PALM2AKAP2: variants seen among roughly 807,000 people sequenced by gnomAD.
The protein encoded by PALM2AKAP2 is PALM2 and AKAP2 fusion, also known as PALM2-AKAP2 fusion protein.
A neutral mutation model predicts 71.5 loss-of-function variants in PALM2AKAP2; 37 were observed. The ratio of observed to expected loss-of-function variants is 0.52; its 90% CI spans 0.40 to 0.68. The LOEUF is 0.68. PALM2AKAP2 is among the 30% of genes least tolerant of loss of function. The pLI, the probability that PALM2AKAP2 is intolerant of heterozygous loss-of-function variation, is 0.00. For missense variants in PALM2AKAP2, 1,224 were observed against 1,191.8 expected, an observed-to-expected ratio of 1.03 and a Z score of -0.40; for synonymous variants, 468 against 478.8, an observed-to-expected ratio of 0.98 and a Z score of 0.29.
intron 7 of PALM2AKAP2, among the ~76,000 whole-genome samples, chr9:110,042,341 G>T (rs544703877): frequency 1.3e-5 from 2 of 152,294 alleles, no homozygotes; most frequent in South Asian, 4.1e-4. Flanking sequence ...GAGGAGAATT[G>T]CTTGAATCCA....
At chr9:109,908,653 A>G (rs1289730846) in intron 3 of PALM2AKAP2, among the ~76,000 whole-genome samples, 1 of 152,190 alleles carries the variant, frequency 6.6e-6, no homozygotes, top group Non-Finnish European at 1.5e-5. Flanking sequence ...ATTTTTTTTC[A>G]ATGAATGACT....
At chr9:109,641,084 A>T (rs548459109) in intron 1 of PALM2AKAP2, among the ~76,000 whole-genome samples, 3 of 152,324 alleles carry the variant, frequency 2.0e-5, no homozygotes, top group Non-Finnish European at 4.4e-5. Flanking sequence ...CCCCTTGGCT[A>T]GCAGGGCCTG....
At chr9:109,987,140 C>T (rs568858750) in intron 6 of PALM2AKAP2, among the ~76,000 whole-genome samples, 2 of 151,724 alleles carry the variant, frequency 1.3e-5, no homozygotes, top group East Asian at 3.9e-4. Flanking sequence ...CTTTTCTTTT[C>T]TTTTTTTTGA....
At chr9:110,056,068 G>T (rs1400857128) in intron 1 of PALM2AKAP2, among the ~76,000 whole-genome samples, 1 of 152,210 alleles carries the variant, frequency 6.6e-6, no homozygotes, top group Non-Finnish European at 1.5e-5. Flanking sequence ...AGGGGGCAGG[G>T]AGGGACCCTC....
chr9:110,035,315 C>T (rs1466334643), intron 7 of PALM2AKAP2, among the ~76,000 whole-genome samples: 1 of 76,684 alleles, frequency 1.3e-5, no homozygotes, highest in Non-Finnish European at 2.5e-5. Context: ...ATATTACATA[C>T]ATATGTATTA....
intron 6 of PALM2AKAP2, among the ~76,000 whole-genome samples, chr9:110,013,733 T>A (rs1002235360): frequency 6.6e-6 from 1 of 152,226 alleles, no homozygotes; most frequent in Admixed American, 6.5e-5. Context: ...GGACCCAGAA[T>A]GTAAACTTTA....
intron 1 of PALM2AKAP2, among the ~76,000 whole-genome samples, chr9:109,663,093 A>G (rs558580642): frequency 6.6e-6 from 1 of 151,828 alleles, no homozygotes; most frequent in East Asian, 1.9e-4. Context: ...CTTCTTTATT[A>G]GTTTGGCTAG....
At chr9:109,802,078 A>G (rs1275187272) in intron 1 of PALM2AKAP2, among the ~76,000 whole-genome samples, 19 of 152,322 alleles carry the variant, frequency 1.2e-4, no homozygotes, top group Non-Finnish European at 5.9e-5. Flanking sequence ...GTATGCAAAT[A>G]TACCTCATAT....
chr9:109,798,158 C>T (rs775964098), intron 1 of PALM2AKAP2, among the ~76,000 whole-genome samples: 11 of 152,122 alleles, frequency 7.2e-5, no homozygotes, highest in Non-Finnish European at 1.2e-4. Context: ...ATATGTCTGC[C>T]GGTGTGTCCA....
chr9:110,014,061 A>G (rs1262853686), intron 6 of PALM2AKAP2, among the ~76,000 whole-genome samples: 2 of 152,214 alleles, frequency 1.3e-5, no homozygotes, highest in African/African-American at 4.8e-5. Flanking sequence ...TGCAACAGAA[A>G]TGCTATGAAC....
At chr9:109,895,738 A>G (rs1830183570) in intron 3 of PALM2AKAP2, among the ~76,000 whole-genome samples, 1 of 152,234 alleles carries the variant, frequency 6.6e-6, no homozygotes, top group African/African-American at 2.4e-5. Context: ...GCTAATAAAG[A>G]CATACCTGAG....
At position 109,674,358 on chromosome 9, in the gene PALM2AKAP2, C is replaced by T. The variant is rs534002822; in HGVS notation, c.5+33492C>T. ...TTTACTATTTTTTTCTTTGTGGCTA[C>T]AGGTCACATTTTCCTTCTTTATATG... is the stretch of plus-strand genomic sequence containing the variant. On this transcript the variant is annotated intron_variant, in intron 1 of 6. Transcript: ENST00000374531. Among the ~76,000 whole-genome samples the T allele has an allele frequency of 3.3e-5, 5 of 152,068 alleles. No homozygotes were observed. The East Asian group carries it at 9.6e-4, about 29-fold the overall frequency.
intron 1 of PALM2AKAP2, among the ~76,000 whole-genome samples, chr9:109,795,055 G>C (rs565640087): frequency 2.6e-5 from 4 of 152,292 alleles, no homozygotes; most frequent in African/African-American, 7.2e-5. Flanking sequence ...ATAGTGTAAG[G>C]TTTCTTAACT....
chr9:109,690,797 C>T lies in PALM2AKAP2; in HGVS notation c.5+49931C>T, dbSNP rs73526978. On this transcript the variant is annotated intron_variant, in intron 1 of 6. Coordinates refer to the PALM2AKAP2 transcript ENST00000374531. ...ACCCTTGGGAACTGGTTATTAAGTTCGGATCACATCCTATACCTTTAAAGA... is the reference window on the plus strand; with the variant it reads ...ACCCTTGGGAACTGGTTATTAAGTTTGGATCACATCCTATACCTTTAAAGA... 2.2e-3 allele frequency among the ~76,000 whole-genome samples: 339 copies of T among 152,228 alleles called. 1 individual carries two copies. The highest frequency in any genetic ancestry group is 7.9e-3 in the African/African-American group (329 of 41,536).
rs114861115 is a variant in PALM2AKAP2, at chr9:109,929,565, T to C, written c.395-2362T>C. ...CAGTGGGAATTAAAGGAAAGAGAAG[T>C]CTGTGACCTAAGTTTAAGAATCATG... On this transcript the variant is annotated intron_variant, in intron 5 of 9. Transcript: ENST00000302798. 1.9e-3 allele frequency among the ~76,000 whole-genome samples: 283 copies of C among 152,168 alleles called. 3 individuals carry two copies. The highest frequency in any genetic ancestry group is 6.5e-3 in the African/African-American group (271 of 41,498).
At chr9:110,032,690 CAAAATAAATAAA>C (rs1462482907) in intron 7 of PALM2AKAP2, among the ~76,000 whole-genome samples, 10 of 99,258 alleles carry the variant, frequency 1.0e-4, no homozygotes, top group African/African-American at 4.3e-4. Flanking sequence ...GATTCTGTCT[CAAAATAAATAAA>C]TAAATAAATA....
chr9:109,856,231 A>G (rs1564182274), intron 1 of PALM2AKAP2, among the ~76,000 whole-genome samples: 1 of 152,260 alleles, frequency 6.6e-6, no homozygotes, highest in Admixed American at 6.5e-5. Context: ...GTCTAAGATG[A>G]ACATAGAGGA....
At chr9:110,071,477 C>T (rs1419665378) in intron 1 of PALM2AKAP2, among the ~76,000 whole-genome samples, 2 of 152,232 alleles carry the variant, frequency 1.3e-5, no homozygotes, top group Non-Finnish European at 2.9e-5. Flanking sequence ...CACCTCTACT[C>T]ATGGCTCCCA....
chr9:109,688,580 C>T (rs1827835673), intron 1 of PALM2AKAP2, among the ~76,000 whole-genome samples: 1 of 152,234 alleles, frequency 6.6e-6, no homozygotes, highest in Non-Finnish European at 1.5e-5. Context: ...GTCTGCTTGG[C>T]TGCAAATACA....
Sources: gnomAD v4.1 joint callset for allele counts (sites outside exome capture counted in the v4.1 genomes callset) on GRCh38, gnomAD v4.1.1 for gene constraint, MANE v1.5 for transcripts, NCBI Gene and HGNC (gene_info 2026-07-23, HGNC 2026-07-21) for gene names.